The following PLCB4 variants were observed in gnomAD, a reference collection of about 807,000 sequenced individuals.
The protein encoded by PLCB4 is 1-phosphatidylinositol 4,5-bisphosphate phosphodiesterase beta-4.
Under a neutral mutation model 178.8 loss-of-function variants are expected in PLCB4, and 77 were observed. That is an observed-to-expected ratio of 0.43 (90% confidence interval 0.36 to 0.52). PLCB4 has a LOEUF of 0.52. PLCB4 is among the 20% of genes least tolerant of loss of function. The pLI is 0.00. For synonymous variants in PLCB4, 496 were observed against 490.8 expected (o/e 1.01, Z -0.14); for missense variants, 1,024 against 1,453.4 (o/e 0.70, Z 4.80).
chr20:9,261,310 G>A (rs2094295316), intron 3 of PLCB4, among the ~76,000 whole-genome samples: 1 of 151,876 alleles, frequency 6.6e-6, no homozygotes, highest in African/African-American at 2.4e-5. Flanking sequence ...AAAGATTTTA[G>A]GAAATTCAAA....
intron 2 of PLCB4, among the ~76,000 whole-genome samples, chr20:9,132,361 G>C (rs1034454192): frequency 6.6e-6 from 1 of 152,190 alleles, no homozygotes; most frequent in South Asian, 2.1e-4. Context: ...ATGTCATGCA[G>C]TATTTTTATT....
At chr20:9,188,358 T>G (rs6108268) in intron 2 of PLCB4, among the ~76,000 whole-genome samples, 1 of 152,228 alleles carries the variant, frequency 6.6e-6, no homozygotes, top group Non-Finnish European at 1.5e-5. Flanking sequence ...ACTTGTCATG[T>G]GCGAGGAACA....
chr20:9,139,366 G>A (rs1004930729), intron 2 of PLCB4, among the ~76,000 whole-genome samples: 1 of 151,956 alleles, frequency 6.6e-6, no homozygotes. Flanking sequence ...TTCTCTGGGG[G>A]TTCATATGAG....
intron 2 of PLCB4, among the ~76,000 whole-genome samples, chr20:9,163,012 A>G (rs35961237): frequency 0.2 from 30,606 of 152,092 alleles, 3,202 homozygotes; most frequent in African/African-American, 0.26. Context: ...CTAGCAGTTC[A>G]GCATCACTGA....
Position 9,083,277 on chromosome 20 carries a change from G to A in PLCB4, c.-134-13010G>A, listed in dbSNP as rs575512929. 5.9e-5 allele frequency among the ~76,000 whole-genome samples: 9 copies of A among 152,164 alleles called. No individual in the cohort carries two copies. In the East Asian group the frequency reaches 1.7e-3, roughly 29 times the overall value. On this transcript the variant is annotated intron_variant, in intron 1 of 39. Transcript: ENST00000378473. ...AAGGGTTATGGTGCAGGGAACATAA[G>A]TGCTTACCAATAACTGCTTCCTATC...
chr20:9,432,587 C>T (rs976296435), intron 28 of PLCB4, among the ~76,000 whole-genome samples: 11 of 152,174 alleles, frequency 7.2e-5, no homozygotes, highest in Admixed American at 5.2e-4. Context: ...ACAAGTTAAA[C>T]CTCACTCTGC....
chr20:9,323,223 A>G (rs2029862535), intron 4 of PLCB4, among the ~76,000 whole-genome samples: 2 of 152,156 alleles, frequency 1.3e-5, no homozygotes, highest in South Asian at 2.1e-4. Context: ...TCTCCTCTGT[A>G]CAGTCCTCAT....
chr20:9,106,630 T>C lies in PLCB4; in HGVS notation c.-79+10288T>C, dbSNP rs536442815. Among the ~76,000 whole-genome samples, 22 of 152,166 alleles carry C rather than the reference T, an allele frequency of 1.4e-4. No homozygotes were observed. The South Asian group carries it at 3.1e-3, about 22-fold the overall frequency. ...AATATTTCTAAATGTTTACTCTCAA[T>C]TTCTGGACCTATCTCAGTGGACCAG... On this transcript the variant is annotated intron_variant, in intron 2 of 39. Coordinates refer to ENST00000378473, the MANE Select transcript of PLCB4 (RefSeq NM_001377142.1).
intron 36 of PLCB4, among the ~76,000 whole-genome samples, chr20:9,472,435 A>G (rs1488115360): frequency 6.6e-6 from 1 of 152,232 alleles, no homozygotes; most frequent in Non-Finnish European, 1.5e-5. Flanking sequence ...GGGTGAGAAG[A>G]TCCACACCAA....
intron 3 of PLCB4, among the ~76,000 whole-genome samples, chr20:9,226,732 T>G (rs769561396): frequency 1.3e-5 from 2 of 152,150 alleles, no homozygotes; most frequent in Non-Finnish European, 2.9e-5. Flanking sequence ...TCCTCTTCTG[T>G]GGGCTTCTGC....
At chr20:9,306,798 C>T (rs138699423) in intron 3 of PLCB4, among the ~76,000 whole-genome samples, 55 of 152,258 alleles carry the variant, frequency 3.6e-4, no homozygotes, top group African/African-American at 1.3e-3. Context: ...GTAAAAGGAA[C>T]GCTGAGTTCT....
chr20:9,145,825 T>C (rs886459611), intron 2 of PLCB4, among the ~76,000 whole-genome samples: 2 of 152,172 alleles, frequency 1.3e-5, no homozygotes, highest in Middle Eastern at 3.4e-3. Context: ...AAATTCTGTC[T>C]TGGGGAGAGG....
intron 2 of PLCB4, among the ~76,000 whole-genome samples, chr20:9,216,370 A>G (rs2093732205): frequency 6.6e-6 from 1 of 152,012 alleles, no homozygotes; most frequent in South Asian, 2.1e-4. Context: ...GGCGCCTGCC[A>G]CCATGCCCGG....
intron 2 of PLCB4, among the ~76,000 whole-genome samples, chr20:9,117,355 C>T (rs1414201335): frequency 6.6e-6 from 1 of 152,132 alleles, no homozygotes; most frequent in Non-Finnish European, 1.5e-5. Context: ...TGCCAAATTG[C>T]TTTGTAGAAA....
intron 30 of PLCB4, among the ~76,000 whole-genome samples, chr20:9,438,811 G>A (rs1190279778): frequency 6.6e-6 from 1 of 152,180 alleles, no homozygotes; most frequent in African/African-American, 2.4e-5. Context: ...GATGAAGGTA[G>A]AAACATGGTT....
At chr20:9,234,120 T>TA (rs1186908005) in intron 3 of PLCB4, among the ~76,000 whole-genome samples, 2 of 151,802 alleles carry the variant, frequency 1.3e-5, no homozygotes, top group Non-Finnish European at 2.9e-5. Context: ...GTAAGGTGAA[T>TA]AAAAAAAGGC....
chr20:9,476,880 G>A, intron 39 of PLCB4, 127 bp downstream of exon 39: 1 of 641,084 alleles, frequency 1.6e-6, no homozygotes. Flanking sequence ...GGATTTAAAA[G>A]CTTGACTATT....
rs189613749 is a variant in PLCB4, at chr20:9,454,206, G to A, written c.2996+744G>A. Reference sequence around the variant, plus strand: ...TATGCATTTGTGGCAAGCACACCATGGAAACAATGCTGCTTCCTTCTCAGT... The same window carrying A: ...TATGCATTTGTGGCAAGCACACCATAGAAACAATGCTGCTTCCTTCTCAGT... On this transcript the variant is annotated intron_variant, in intron 33 of 39. Transcript: ENST00000378473. 8.5e-5 allele frequency among the ~76,000 whole-genome samples: 13 copies of A among 152,294 alleles called. No individual in the cohort carries two copies. In the East Asian group the frequency reaches 2.5e-3, roughly 29 times the overall value.
intron 3 of PLCB4, among the ~76,000 whole-genome samples, chr20:9,264,648 T>C (rs1312450566): frequency 6.6e-6 from 1 of 152,212 alleles, no homozygotes; most frequent in East Asian, 1.9e-4. Context: ...CAGTTTCATT[T>C]TGTCTGGAAA....
Sources: allele counts gnomAD v4.1 joint callset (sites outside exome capture counted in the v4.1 genomes callset), GRCh38; gene constraint gnomAD v4.1.1; transcripts MANE v1.5; gene names NCBI Gene and HGNC (gene_info 2026-07-23, HGNC 2026-07-21).